CACNA1A: variants seen among roughly 807,000 people sequenced by gnomAD.
CACNA1A encodes calcium voltage-gated channel subunit alpha1 A.
Under a neutral mutation model 262.4 loss-of-function variants are expected in CACNA1A, and 57 were observed. The observed-to-expected ratio is 0.22, with a 90% CI of 0.18 to 0.27. The LOEUF (loss-of-function observed/expected upper bound fraction) is 0.27, where lower values mean the gene tolerates loss of function less well. Ranked by LOEUF, CACNA1A falls within the 10% of genes least tolerant of loss-of-function variation. The pLI, the probability that CACNA1A is intolerant of heterozygous loss-of-function variation, is 1.00. For missense variants in CACNA1A, 2,526 were observed against 3,562.8 expected (o/e 0.71, Z 7.41); for synonymous variants, 1,431 against 1,419.3 (o/e 1.01, Z -0.18).
rs184984871 is a variant in CACNA1A at position 13,388,553 on chromosome 19, G to A, written c.540-16774C>T. ...TTACAGGCGTGAGCCACCCCCTGGC[G>A]AGAAAACTATTTCTGAAATTCATTT... On this transcript the variant is annotated intron_variant, in intron 3 of 46. Coordinates refer to ENST00000360228, the MANE Select transcript of CACNA1A (RefSeq NM_001127222.2). Among the ~76,000 whole-genome samples, 514 of 152,214 alleles carry A rather than the reference G, an allele frequency of 3.4e-3. 1 individual carries two copies. Among genetic ancestry groups the A allele is most frequent in the Non-Finnish European group, 5.1e-3 (348 of 67,992 alleles).
chr19:13,210,246 C>T (rs937139203), intron 44 of CACNA1A, among the ~76,000 whole-genome samples: 3 of 152,196 alleles, frequency 2.0e-5, no homozygotes, highest in Non-Finnish European at 2.9e-5. Context: ...CAGCTGAGCG[C>T]TGGTGGCCCT....
intron 19 of CACNA1A, among the ~76,000 whole-genome samples, chr19:13,298,258 G>A (rs2057709332): frequency 1.3e-5 from 2 of 151,392 alleles, no homozygotes; most frequent in Non-Finnish European, 2.9e-5. Context: ...AGCCTCCTGA[G>A]TAGCTGGGGC....
Position 13,371,698 on chromosome 19 carries a change from A to G in CACNA1A, c.621T>C (p.Ser207=). The G allele has an allele frequency of 6.3e-7, 1 of 1,574,962 alleles. No homozygotes were observed. Among genetic ancestry groups the G allele is most frequent in the African/African-American group, 1.3e-5 (1 of 74,150 alleles). Residue 207 remains serine, a synonymous_variant, in exon 4 of 47, where the codon TCT becomes TCC. Transcript: ENST00000360228. The part of the protein sequence containing the change: ...VRVLRPLKLV[S]GIPSLQVVLK... ...CGGAAACTCACGCACTTGGGATTCCAGACACCAGCTTGAGCGGCCGCAGCA... is the reference window on the plus strand; with the variant it reads ...CGGAAACTCACGCACTTGGGATTCCGGACACCAGCTTGAGCGGCCGCAGCA...
rs138070560 is a variant in CACNA1A, at chr19:13,374,859, T to G, written c.540-3080A>C. Reference sequence around the variant, plus strand: ...GCTTTGTTTTGTTTTGTTCTAGAGATGGAGTCTCCCTGTGTTGCCCAGGCT... The same window carrying G: ...GCTTTGTTTTGTTTTGTTCTAGAGAGGGAGTCTCCCTGTGTTGCCCAGGCT... On this transcript the variant is annotated intron_variant, in intron 3 of 46. Coordinates refer to ENST00000360228, the MANE Select transcript of CACNA1A (RefSeq NM_001127222.2). Among the ~76,000 whole-genome samples the G allele has an allele frequency of 1.0e-3, 156 of 152,106 alleles. No individual in the cohort carries two copies. In the Middle Eastern group the frequency reaches 0.014, roughly 13 times the overall value.
intron 27 of CACNA1A, 29 bp from the exon 28 acceptor site, chr19:13,257,580 G>A (rs759383662): frequency 6.7e-7 from 1 of 1,502,470 alleles, no homozygotes; most frequent in Non-Finnish European, 9.1e-7. Flanking sequence ...GGAGAGGGAA[G>A]GGGCAGGAAG....
chr19:13,384,008 G>A (rs2059566245), intron 3 of CACNA1A, among the ~76,000 whole-genome samples: 1 of 152,132 alleles, frequency 6.6e-6, no homozygotes, highest in Non-Finnish European at 1.5e-5. Context: ...TGTAGAGACA[G>A]GGTCCCAGTA....
At position 13,253,105 on chromosome 19, in the gene CACNA1A, G is replaced by A. The variant is rs199841998; in HGVS notation, c.4756-4C>T. 2.2e-5 allele frequency: 35 copies of A among 1,599,968 alleles called. No individual in the cohort carries two copies. In the African/African-American group the frequency reaches 3.5e-4, roughly 16 times the overall value. ...AAGCAACAGAAGCCCCATAGAACTAGGGGAAAGAAGCAGGAGTAGCAGGGG... is the reference window on the plus strand; with the variant it reads ...AAGCAACAGAAGCCCCATAGAACTAAGGGAAAGAAGCAGGAGTAGCAGGGG... On this transcript the variant is annotated splice_region_variant and splice_polypyrimidine_tract_variant and intron_variant, in intron 29 of 46. Transcript: ENST00000360228.
chr19:13,372,968 C>G (rs1372089626), intron 3 of CACNA1A, among the ~76,000 whole-genome samples: 1 of 152,210 alleles, frequency 6.6e-6, no homozygotes, highest in Non-Finnish European at 1.5e-5. Flanking sequence ...TGTTGAAACA[C>G]AGGGTCCCAC....
At chr19:13,221,196 T>C (rs11085835) in intron 38 of CACNA1A, among the ~76,000 whole-genome samples, 88,676 of 112,562 alleles carry the variant, frequency 0.79, 35,433 homozygotes, top group Middle Eastern at 0.87. Context: ...CACTCCTTTT[T>C]TCTGGTCCCA....
At chr19:13,352,325 T>C (rs2058926315) in intron 6 of CACNA1A, among the ~76,000 whole-genome samples, 1 of 150,376 alleles carries the variant, frequency 6.6e-6, no homozygotes, top group Admixed American at 6.7e-5. Flanking sequence ...GAGAATTGCT[T>C]GAACCCCAGA....
chr19:13,402,873 C>CACACACACAT (rs1201892162), intron 3 of CACNA1A, among the ~76,000 whole-genome samples: 3 of 72,824 alleles, frequency 4.1e-5, no homozygotes, highest in African/African-American at 9.5e-5. Context: ...CACACACACA[C>CACACACACAT]ATATATATAT....
chr19:13,381,765 C>T (rs1171302380), intron 3 of CACNA1A, among the ~76,000 whole-genome samples: 1 of 152,138 alleles, frequency 6.6e-6, no homozygotes, highest in Non-Finnish European at 1.5e-5. Flanking sequence ...CTAGGCCATG[C>T]CTGGTGTATT....
chr19:13,404,437 C>T (rs958511008), intron 3 of CACNA1A, among the ~76,000 whole-genome samples: 1 of 152,104 alleles, frequency 6.6e-6, no homozygotes, highest in Non-Finnish European at 1.5e-5. Flanking sequence ...TCAGTGCTGG[C>T]GCTGGAGTCA....
chr19:13,482,370 C>T (rs954146486), intron 1 of CACNA1A, among the ~76,000 whole-genome samples: 1 of 151,896 alleles, frequency 6.6e-6, no homozygotes, highest in Non-Finnish European at 1.5e-5. Flanking sequence ...GTAGTCCCAG[C>T]TACTCGGGAG....
intron 3 of CACNA1A, among the ~76,000 whole-genome samples, chr19:13,373,818 G>A (rs543479475): frequency 6.6e-5 from 10 of 152,352 alleles, no homozygotes; most frequent in African/African-American, 2.4e-4. Flanking sequence ...GGGCGTCTGA[G>A]CGTATCCTAT....
chr19:13,271,592 G>C (rs1251139126), intron 24 of CACNA1A: 1 of 152,162 alleles, frequency 6.6e-6, no homozygotes, highest in African/African-American at 2.4e-5. Context: ...GTTTAAAAGA[G>C]GAGGCTAATT....
intron 1 of CACNA1A, among the ~76,000 whole-genome samples, chr19:13,474,085 T>C (rs530367880): frequency 6.6e-6 from 1 of 152,360 alleles, no homozygotes; most frequent in South Asian, 2.1e-4. Context: ...AAGAAGCTTT[T>C]ACTTTTGCAA....
chr19:13,466,305 T>C (rs1451364662), intron 1 of CACNA1A, among the ~76,000 whole-genome samples: 2 of 149,206 alleles, frequency 1.3e-5, no homozygotes, highest in African/African-American at 5.0e-5. Flanking sequence ...TGAGGCTCTG[T>C]CCTTTTTTTT....
chr19:13,359,778 G>T lies in CACNA1A; in HGVS notation c.806C>A (p.Pro269Gln). ...EGTDDIQGES[P>Q]APCGTEEPAR... ...GGGCTCTTCTGTCCCACATGGAGCC[G>T]GAGACTCACCCTGAATGTCATCTAC... The change falls in exon 6 of 47, where the codon CCG becomes CAG. Residue 269 changes from proline to glutamine, a missense_variant. This residue lies in a region of CACNA1A where 52 missense variants were observed against 124.0 expected (regional missense o/e 0.42). Coordinates refer to ENST00000360228, the MANE Select transcript of CACNA1A (RefSeq NM_001127222.2). 1 of 1,534,574 alleles carries T rather than the reference G, an allele frequency of 6.5e-7. No homozygotes were observed. Among genetic ancestry groups the T allele is most frequent in the Non-Finnish European group, 8.8e-7 (1 of 1,136,108 alleles).
Sources: allele counts gnomAD v4.1 joint callset (sites outside exome capture counted in the v4.1 genomes callset), GRCh38; gene constraint gnomAD v4.1.1; regional missense constraint gnomAD v4.1.1; transcripts MANE v1.5; gene names NCBI Gene and HGNC (gene_info 2026-07-23, HGNC 2026-07-21).